BASP1: variants seen among roughly 807,000 people sequenced by gnomAD.
The protein encoded by BASP1 is brain acid soluble protein 1.
BASP1 carries 1 observed loss-of-function variant against 2.2 expected under a neutral mutation model. The ratio of observed to expected loss-of-function variants is 0.46; its 90% CI spans 0.16 to 2.17. The LOEUF is 2.17. BASP1 is among the 30% of genes most tolerant of loss of function. The pLI is 0.27. For synonymous variants in BASP1, 187 were observed against 154.2 expected (o/e 1.21, Z -1.58); for missense variants, 352 against 327.2 (o/e 1.08, Z -0.58).
chr5:17,275,536 A>C lies in BASP1; in HGVS notation c.320A>C (p.Glu107Ala), dbSNP rs1740626977. Residue 107 changes from glutamate (E) to alanine (A), a missense_variant, in exon 2 of 2, where the codon GAG (glutamate) becomes GCG (alanine). Transcript: ENST00000322611. This position sits in a 1 kb window ranked among gnomAD's most constrained non-coding sequence, Gnocchi z 5.3. ...GAGCCCCCGAAGGCGCCCGAGCAGG[A>C]GCAGGCGGCCCCCGGCCCCGCTGCG... Reference protein sequence around the residue: ...KAEPPKAPEQEQAAPGPAAGG... With the variant: ...KAEPPKAPEQAQAAPGPAAGG... 2 of 1,420,788 alleles carry C rather than the reference A, an allele frequency of 1.4e-6. No individual in the cohort carries two copies. The highest frequency in any genetic ancestry group is 1.8e-6 in the Non-Finnish European group (2 of 1,092,366). 88.0% of individuals were successfully genotyped at this position (1,420,788 alleles called of 1,614,324 possible). A position where few individuals can be genotyped will look rare whatever the true frequency, so the allele number is the denominator to read the frequency against.
chr5:17,240,531 T>C (rs1739842057), intron 1 of BASP1: 1 of 151,812 alleles, frequency 6.6e-6, no homozygotes, highest in South Asian at 2.1e-4. Context: ...GTGAGACTCC[T>C]CTCAATAAAA....
At chr5:17,222,544 C>A (rs560273247) in intron 1 of BASP1, among the ~76,000 whole-genome samples, 14 of 152,190 alleles carry the variant, frequency 9.2e-5, no homozygotes, top group Non-Finnish European at 1.6e-4. Flanking sequence ...CATTTCTCAC[C>A]AGAATATAGT....
At position 17,260,211 on chromosome 5, in the gene BASP1, T is replaced by C. The variant is rs546951886; in HGVS notation, c.-9-14997T>C. Among the ~76,000 whole-genome samples the C allele has an allele frequency of 3.3e-5, 5 of 152,324 alleles. 1 individual carries two copies. The South Asian group carries it at 1.0e-3, about 32-fold the overall frequency. ...ATGAATAATGCATGTTTCCTGATAG[T>C]GTTTGCTACATGTGGCAGGATGTAT... On this transcript the variant is annotated intron_variant, in intron 1 of 1. Coordinates refer to ENST00000322611, the MANE Select transcript of BASP1 (RefSeq NM_006317.5). This position sits in a 1 kb window ranked among gnomAD's most constrained non-coding sequence, Gnocchi z 4.2.
At chr5:17,227,053 C>T (rs1460861477) in intron 1 of BASP1, among the ~76,000 whole-genome samples, 2 of 150,326 alleles carry the variant, frequency 1.3e-5, no homozygotes, top group Non-Finnish European at 3.0e-5. Flanking sequence ...CTCAGCCTCC[C>T]GAGTAGCTGG....
chr5:17,268,675 G>A (rs1288447537), intron 1 of BASP1, among the ~76,000 whole-genome samples: 2 of 152,172 alleles, frequency 1.3e-5, no homozygotes, highest in Non-Finnish European at 2.9e-5. Context: ...TCCCTGACAG[G>A]CTTCCTGGAG....
chr5:17,237,711 A>G (rs1233811784), intron 1 of BASP1, among the ~76,000 whole-genome samples: 1 of 149,650 alleles, frequency 6.7e-6, no homozygotes, highest in African/African-American at 2.5e-5. Flanking sequence ...CTTGGGTTCA[A>G]GTGAATCTCC....
chr5:17,265,033 G>A (rs895398603), intron 1 of BASP1, among the ~76,000 whole-genome samples: 2 of 152,166 alleles, frequency 1.3e-5, no homozygotes, highest in Admixed American at 6.5e-5. Flanking sequence ...ATTTTATATG[G>A]CAGTTAATGT....
chr5:17,259,559 C>T (rs901983279), intron 1 of BASP1, among the ~76,000 whole-genome samples: 1 of 152,006 alleles, frequency 6.6e-6, no homozygotes, highest in African/African-American at 2.4e-5. Flanking sequence ...CACTGAAAAT[C>T]ATTAAAATAT....
At chr5:17,252,380 C>T (rs1369942705) in intron 1 of BASP1, among the ~76,000 whole-genome samples, 2 of 152,224 alleles carry the variant, frequency 1.3e-5, no homozygotes, top group East Asian at 1.9e-4. Flanking sequence ...TTTTATAAAT[C>T]CCCTCTCATG....
upstream of BASP1, chr5:17,217,612 C>A (rs953559987): frequency 1.3e-5 from 2 of 156,054 alleles, no homozygotes; most frequent in South Asian, 3.4e-4. Context: ...GCAGAGGCTG[C>A]AGCGGCGGCG....
intron 1 of BASP1, among the ~76,000 whole-genome samples, chr5:17,257,750 A>G (rs1740242563): frequency 6.6e-6 from 1 of 152,220 alleles, no homozygotes. Context: ...GAACTAAAAG[A>G]GGAAAACCTG....
chr5:17,250,950 C>T (rs999946948), intron 1 of BASP1, among the ~76,000 whole-genome samples: 1 of 71,176 alleles, frequency 1.4e-5, no homozygotes, highest in African/African-American at 5.6e-5. Context: ...TGGTTTTGAG[C>T]GATCTACACG....
At chr5:17,258,520 A>T (rs1169185187) in intron 1 of BASP1, among the ~76,000 whole-genome samples, 1 of 152,164 alleles carries the variant, frequency 6.6e-6, no homozygotes, top group East Asian at 1.9e-4. Flanking sequence ...CTATATTTTT[A>T]ACAAGCTTCT....
chr5:17,275,995 T>TC lies in BASP1; in HGVS notation c.*96dup, dbSNP rs1740653353. On this transcript the variant is annotated 3_prime_UTR_variant, in exon 2 of 2. Transcript: ENST00000322611. The surrounding 1 kb of genome is among the most constrained non-coding windows in gnomAD (Gnocchi z 5.3). ...TATCTCTCTCTCTATCTCCTCTCTC[T>TC]CTCTCCTCTCCTATCTCTCCTCTCT... 1 of 1,113,482 alleles carries TC rather than the reference T, an allele frequency of 9.0e-7. No homozygotes were observed. Among genetic ancestry groups the TC allele is most frequent in the Non-Finnish European group, 1.2e-6 (1 of 820,560 alleles). 69.0% of individuals were successfully genotyped at this position (1,113,482 alleles called of 1,614,324 possible).
At chr5:17,245,633 G>T in intron 1 of BASP1, among the ~76,000 whole-genome samples, 1 of 150,854 alleles carries the variant, frequency 6.6e-6, no homozygotes, top group African/African-American at 2.4e-5. Context: ...TAGGCTCTGT[G>T]TAGAAAGTTA....
In BASP1 at chr5:17,276,090, G is replaced by T; in HGVS notation, c.*190G>T. The T allele has an allele frequency of 2.3e-5, 7 of 301,692 alleles. No individual in the cohort carries two copies. Among genetic ancestry groups the T allele is most frequent in the Non-Finnish European group, 2.5e-5 (4 of 161,722 alleles). 18.7% of individuals were successfully genotyped at this position (301,692 alleles called of 1,614,324 possible). ...TATTGCCCAAGGAAAAATACAGGAT[G>T]TTGTCCCATCAAGGGAGGGAGGGGG... is the stretch of plus-strand genomic sequence containing the variant. On this transcript the variant is annotated 3_prime_UTR_variant, in exon 2 of 2. Transcript: ENST00000322611.
At chr5:17,234,380 G>GT (rs1339460568) in intron 1 of BASP1, among the ~76,000 whole-genome samples, 1 of 151,440 alleles carries the variant, frequency 6.6e-6, no homozygotes, top group African/African-American at 2.4e-5. Flanking sequence ...GAAGCCGTAA[G>GT]TAAAAAAAAA....
intron 1 of BASP1, among the ~76,000 whole-genome samples, chr5:17,232,287 A>G (rs1030496692): frequency 1.3e-5 from 2 of 152,214 alleles, no homozygotes. Context: ...AGGTTATTGA[A>G]TGCTTTTGGT....
intron 1 of BASP1, among the ~76,000 whole-genome samples, chr5:17,266,531 G>A (rs749470833): frequency 2.6e-5 from 4 of 152,240 alleles, no homozygotes; most frequent in Middle Eastern, 3.4e-3. Flanking sequence ...CTGGGGTGGG[G>A]CATGGTGGCT....
Sources: gnomAD v4.1 joint callset for allele counts (sites outside exome capture counted in the v4.1 genomes callset) on GRCh38, gnomAD v4.1.1 for gene constraint, Gnocchi (gnomAD v3.1) non-coding constraint, MANE v1.5 for transcripts, NCBI Gene and HGNC (gene_info 2026-07-23, HGNC 2026-07-21) for gene names.